Variants in SMIM7 observed in about 807,000 individuals in gnomAD.
The protein encoded by SMIM7 is UPF0608 protein C19orf42.
In SMIM7, 12 loss-of-function variants were observed where a neutral mutation model predicts 13.3. The observed-to-expected ratio is 0.90, with a 90% CI of 0.58 to 1.46. The LOEUF (loss-of-function observed/expected upper bound fraction) is 1.46, where lower values mean the gene tolerates loss of function less well. Among genes scored for constraint, SMIM7 ranks in the 40% most tolerant of loss-of-function variants. SMIM7 has a pLI of 0.00. For missense variants in SMIM7, 114 were observed against 94.8 expected (o/e 1.20, Z -0.84); for synonymous variants, 36 against 35.8 (o/e 1.01, Z -0.02).
chr19:16,631,966 T>C (rs2086325104), intron 4 of SMIM7, among the ~76,000 whole-genome samples: 1 of 151,218 alleles, frequency 6.6e-6, no homozygotes, highest in African/African-American at 2.4e-5. Flanking sequence ...GCCTTTCAGG[T>C]TCAAGCGATT....
chr19:16,652,668 C>A, intron 4 of SMIM7: 1 of 1,394,498 alleles, frequency 7.2e-7, no homozygotes, highest in Middle Eastern at 2.7e-4. Flanking sequence ...TGCCATCCTC[C>A]CCAGATCTCC....
rs763869905 is a variant in SMIM7 at position 16,660,074 on chromosome 19, C to T, written c.26+11G>A. 1.9e-6 allele frequency: 3 copies of T among 1,614,234 alleles called. No individual in the cohort carries two copies. Among genetic ancestry groups the T allele is most frequent in the Middle Eastern group, 1.6e-4 (1 of 6,062 alleles). On this transcript the variant is annotated intron_variant, in intron 1 of 4. Transcript: ENST00000487416. ...GGCTCTCTCTTCCCAGCCTCTGGTC[C>T]CCCTAATTACCCGAACAGCAGGATG...
chr19:16,635,711 A>G (rs1320848006), intron 4 of SMIM7, among the ~76,000 whole-genome samples: 1 of 151,454 alleles, frequency 6.6e-6, no homozygotes, highest in Admixed American at 6.6e-5. Flanking sequence ...GTGAAATCCC[A>G]TCTCTAAGAG....
At chr19:16,651,432 C>T (rs2086523201) in intron 4 of SMIM7, among the ~76,000 whole-genome samples, 1 of 152,180 alleles carries the variant, frequency 6.6e-6, no homozygotes, top group Non-Finnish European at 1.5e-5. Flanking sequence ...AGAACCCCCA[C>T]CCCAAATGGA....
chr19:16,635,899 A>AAAAAAAAAAAAAAAAAAAAAAAT (rs1200181092), intron 4 of SMIM7, among the ~76,000 whole-genome samples: 1 of 109,600 alleles, frequency 9.1e-6, no homozygotes, highest in African/African-American at 4.3e-5. Context: ...AAAAAAAAAA[A>AAAAAAAAAAAAAAAAAAAAAAAT]ATATATATAT....
At chr19:16,652,571 C>T (rs527405986) in intron 4 of SMIM7, 202 of 1,156,560 alleles carry the variant, frequency 1.7e-4, no homozygotes, top group Non-Finnish European at 2.1e-4. Flanking sequence ...AAGTCTCATA[C>T]ATGCTCTCAG....
chr19:16,652,940 A>G, intron 4 of SMIM7: 1 of 1,550,592 alleles, frequency 6.4e-7, no homozygotes, highest in South Asian at 1.2e-5. Context: ...ATGGAAAGGC[A>G]ATCTGCTTGA....
At chr19:16,652,476 A>G in intron 4 of SMIM7, 1 of 953,224 alleles carries the variant, frequency 1.0e-6, no homozygotes, top group African/African-American at 1.8e-5. Flanking sequence ...TACTGGGATT[A>G]CAGGCCTGAG....
At chr19:16,649,407 C>A (rs1307987871) in intron 4 of SMIM7, among the ~76,000 whole-genome samples, 1 of 152,072 alleles carries the variant, frequency 6.6e-6, no homozygotes, top group Non-Finnish European at 1.5e-5. Flanking sequence ...GAAACCCCGT[C>A]TCTACTAAAA....
rs779124915 is a variant in SMIM7, at chr19:16,660,103, C to G, written c.8G>C (p.Gly3Ala). The G allele has an allele frequency of 2.5e-6, 4 of 1,614,080 alleles. No individual in the cohort carries two copies. The highest frequency in any genetic ancestry group is 1.1e-5 in the South Asian group (1 of 91,092). The change falls in exon 1 of 5, where the codon GGA (glycine) becomes GCA (alanine). Residue 3 changes from glycine to alanine, a missense_variant. By Grantham distance (60) the Gly-to-Ala change is moderately conservative. Coordinates refer to ENST00000487416, the MANE Select transcript of SMIM7 (RefSeq NM_024104.4). MIGDILLFGTLLM... is the reference protein window; with the variant it reads MIADILLFGTLLM... ...TAATTACCCGAACAGCAGGATGTCT[C>G]CGATCATCGTTACGGCCGAAGCGTC...
At chr19:16,642,467 T>C (rs2086410690), downstream of SMIM7, among the ~76,000 whole-genome samples, 1 of 152,120 alleles carries the variant, frequency 6.6e-6, no homozygotes, top group Non-Finnish European at 1.5e-5. Flanking sequence ...TGAGAATTGC[T>C]TGAACCTGGG....
chr19:16,649,932 G>A (rs1180684918), intron 4 of SMIM7, among the ~76,000 whole-genome samples: 7 of 152,168 alleles, frequency 4.6e-5, no homozygotes, highest in Non-Finnish European at 1.0e-4. Context: ...AATCCACAGA[G>A]ACAGGAAGCC....
At chr19:16,654,327 C>T (rs1469912256) in intron 3 of SMIM7, among the ~76,000 whole-genome samples, 1 of 152,144 alleles carries the variant, frequency 6.6e-6, no homozygotes, top group East Asian at 1.9e-4. Context: ...CTGAAAGCAC[C>T]AAGCCCCTCT....
chr19:16,652,177 C>T (rs1157731656), intron 4 of SMIM7, among the ~76,000 whole-genome samples: 3 of 152,178 alleles, frequency 2.0e-5, no homozygotes, highest in Non-Finnish European at 4.4e-5. Flanking sequence ...AAATGGCAAA[C>T]GTCTTCTTGT....
chr19:16,639,247 C>A (rs865909434), intron 4 of SMIM7, among the ~76,000 whole-genome samples: 1 of 151,752 alleles, frequency 6.6e-6, no homozygotes, highest in South Asian at 2.1e-4. Context: ...CTCAGCCTCC[C>A]GAGTAGCTGG....
At chr19:16,657,909 C>T (rs1004201624) in intron 3 of SMIM7, among the ~76,000 whole-genome samples, 1 of 152,224 alleles carries the variant, frequency 6.6e-6, no homozygotes, top group Non-Finnish European at 1.5e-5. Context: ...GTAGTAAGTG[C>T]CTGTAGTCCC....
chr19:16,644,304 T>C (rs1022201569), downstream of SMIM7, among the ~76,000 whole-genome samples: 7 of 151,812 alleles, frequency 4.6e-5, no homozygotes, highest in Non-Finnish European at 8.8e-5. Flanking sequence ...TATTTTTTAG[T>C]AGAGACGGGG....
intron 4 of SMIM7, 24 bp from the exon 5 acceptor site, chr19:16,647,285 T>G: frequency 6.2e-7 from 1 of 1,613,744 alleles, no homozygotes; most frequent in Non-Finnish European, 8.5e-7. Context: ...AGGGCAGAAA[T>G]GTCTGTGAGG....
intron 4 of SMIM7, among the ~76,000 whole-genome samples, chr19:16,650,177 A>C (rs2086504543): frequency 6.6e-6 from 1 of 152,118 alleles, no homozygotes; most frequent in African/African-American, 2.4e-5. Flanking sequence ...TTTTATGAAA[A>C]TTTCAACACA....
Sources: allele counts gnomAD v4.1 joint callset (sites outside exome capture counted in the v4.1 genomes callset), GRCh38; gene constraint gnomAD v4.1.1; transcripts MANE v1.5; gene names NCBI Gene and HGNC (gene_info 2026-07-23, HGNC 2026-07-21).